CDK6: variants seen among roughly 807,000 people sequenced by gnomAD.
The protein encoded by CDK6 is cyclin-dependent kinase 6.
CDK6 carries 6 observed loss-of-function variants against 37.1 expected under a neutral mutation model. That is an observed-to-expected ratio of 0.16 (90% CI 0.09 to 0.32). The LOEUF (loss-of-function observed/expected upper bound fraction) is 0.32, where lower values mean the gene tolerates loss of function less well. Ranked by LOEUF, CDK6 falls within the 10% of genes least tolerant of loss-of-function variation. CDK6 has a pLI of 1.00. For missense variants in CDK6, 224 were observed against 418.9 expected (o/e 0.53, Z 4.06); for synonymous variants, 160 against 161.3 (o/e 0.99, Z 0.06).
At position 92,608,200 on chromosome 7, in the gene CDK6, G is replaced by A; in HGVS notation, c.*6940C>T. 4.3e-6 allele frequency: 1 copy of A among 232,290 alleles called. No homozygotes were observed. The highest frequency in any genetic ancestry group is 8.5e-6 in the Non-Finnish European group (1 of 117,544). The allele number at this position is 232,290 out of a possible 1,614,324, so 14.4% of individuals were successfully genotyped here. Reference sequence around the variant, plus strand: ...CATAGTTCTTGGCAGTCAATATGTAGTTATATGCCCCCTTTGAGAAAAACC... The same window carrying A: ...CATAGTTCTTGGCAGTCAATATGTAATTATATGCCCCCTTTGAGAAAAACC... On this transcript the variant is annotated 3_prime_UTR_variant, in exon 8 of 8. Coordinates refer to ENST00000424848, the MANE Select transcript of CDK6 (RefSeq NM_001145306.2).
chr7:92,608,996 C>G lies in CDK6; in HGVS notation c.*6144G>C, dbSNP rs1212427036. The G allele has an allele frequency of 4.3e-6, 1 of 233,058 alleles. No homozygotes were observed. The highest frequency in any genetic ancestry group is 8.5e-6 in the Non-Finnish European group (1 of 118,030). 14.4% of individuals were successfully genotyped at this position (233,058 alleles called of 1,614,324 possible). The stretch of plus-strand genomic sequence containing the variant: ...AACCCTGGGGTGGAATTCGGCCTTT[C>G]GCATAGGGGCTTTAACTGGACTCTA... On this transcript the variant is annotated 3_prime_UTR_variant, in exon 8 of 8. Transcript: ENST00000424848.
chr7:92,691,976 A>C (rs1286445893), intron 4 of CDK6, among the ~76,000 whole-genome samples: 1 of 152,190 alleles, frequency 6.6e-6, no homozygotes, highest in Non-Finnish European at 1.5e-5. Flanking sequence ...TCCCATATGA[A>C]AGCCCTGTAG....
At chr7:92,707,806 T>G (rs1798000835) in intron 4 of CDK6, among the ~76,000 whole-genome samples, 1 of 152,200 alleles carries the variant, frequency 6.6e-6, no homozygotes, top group African/African-American at 2.4e-5. Context: ...CCCAGACTCT[T>G]CCAACTTAAC....
rs896188143 is a variant in CDK6 at position 92,835,156 on chromosome 7, T to G, written c.-368+1322A>C. ...CTGGCACTCACTACATTCAGAACTT[T>G]CCTTAAAAGCCGAGGAAAGAGCCCC... is the stretch of plus-strand genomic sequence containing the variant. On this transcript the variant is annotated intron_variant, in intron 1 of 7. Transcript: ENST00000424848. The surrounding 1 kb of genome is among the most constrained non-coding windows in gnomAD (Gnocchi z 4.2). 1 of 152,068 alleles carries G rather than the reference T, an allele frequency of 6.6e-6. No individual in the cohort carries two copies. Among genetic ancestry groups the G allele is most frequent in the Admixed American group, 6.5e-5 (1 of 15,270 alleles). 9.4% of individuals were successfully genotyped at this position (152,068 alleles called of 1,614,324 possible). A position where few individuals can be genotyped will look rare whatever the true frequency, so the allele number is the denominator to read the frequency against.
intron 3 of CDK6, among the ~76,000 whole-genome samples, chr7:92,743,291 G>A (rs1011199937): frequency 3.3e-5 from 5 of 151,746 alleles, no homozygotes; most frequent in African/African-American, 9.7e-5. Context: ...CAGGAGAATC[G>A]CTTGAACCAG....
Position 92,835,679 on chromosome 7 carries a change from GCAC to G in CDK6, c.-368+796_-368+798del, listed in dbSNP as rs1314362098. On this transcript the variant is annotated intron_variant, in intron 1 of 7. Transcript: ENST00000424848. This position sits in a 1 kb window ranked among gnomAD's most constrained non-coding sequence, Gnocchi z 4.2. ...ATGCGCCTCTCCCGAAGCCTGCCAAGCACCACAAGGGTCGCCACCAGCACAGCG... is the reference window on the plus strand; with the variant it reads ...ATGCGCCTCTCCCGAAGCCTGCCAAGCACAAGGGTCGCCACCAGCACAGCG... Among the ~76,000 whole-genome samples, 17 of 152,252 alleles carry G rather than the reference GCAC, an allele frequency of 1.1e-4. No homozygotes were observed. Among genetic ancestry groups the G allele is most frequent in the Non-Finnish European group, 1.3e-4 (9 of 68,014 alleles).
rs1453515631 is a variant in CDK6, at chr7:92,608,177, T to C, written c.*6963A>G. The stretch of plus-strand genomic sequence containing the variant: ...TGTGTGCTGATTAGTGCTACAGTCA[T>C]AGTTCTTGGCAGTCAATATGTAGTT... On this transcript the variant is annotated 3_prime_UTR_variant, in exon 8 of 8. Coordinates refer to ENST00000424848, the MANE Select transcript of CDK6 (RefSeq NM_001145306.2). 4.3e-6 allele frequency: 1 copy of C among 232,440 alleles called. No individual in the cohort carries two copies. The highest frequency in any genetic ancestry group is 8.5e-6 in the Non-Finnish European group (1 of 117,638). 14.4% of individuals were successfully genotyped at this position (232,440 alleles called of 1,614,324 possible).
At position 92,608,520 on chromosome 7, in the gene CDK6, AT is replaced by A; in HGVS notation, c.*6619del. ...ATGGAAAATAAAAAAATAAAAAAAA[AT>A]TCCTGCAATTATACATCTTTTCTTT... On this transcript the variant is annotated 3_prime_UTR_variant, in exon 8 of 8. Coordinates refer to ENST00000424848, the MANE Select transcript of CDK6 (RefSeq NM_001145306.2). 1 of 231,594 alleles carries A rather than the reference AT, an allele frequency of 4.3e-6. No homozygotes were observed. Among genetic ancestry groups the A allele is most frequent in the East Asian group, 6.1e-5 (1 of 16,340 alleles). 14.3% of individuals were successfully genotyped at this position (231,594 alleles called of 1,614,324 possible).
chr7:92,691,790 T>A (rs1416643604), intron 4 of CDK6, among the ~76,000 whole-genome samples: 6 of 152,168 alleles, frequency 3.9e-5, no homozygotes, highest in Non-Finnish European at 8.8e-5. Flanking sequence ...AGAATGCCTT[T>A]GATAAAAAAG....
At chr7:92,805,875 T>C (rs1800712735) in intron 2 of CDK6, among the ~76,000 whole-genome samples, 1 of 152,204 alleles carries the variant, frequency 6.6e-6, no homozygotes, top group Non-Finnish European at 1.5e-5. Flanking sequence ...TACCTACCGG[T>C]TCTCTTCTGA....
At chr7:92,789,233 C>T (rs1231488086) in intron 2 of CDK6, among the ~76,000 whole-genome samples, 4 of 152,178 alleles carry the variant, frequency 2.6e-5, no homozygotes, top group Non-Finnish European at 5.9e-5. Context: ...AAGACATTCT[C>T]AGATAAACAA....
At chr7:92,769,806 C>T (rs10266110) in intron 3 of CDK6, among the ~76,000 whole-genome samples, 1 of 152,046 alleles carries the variant, frequency 6.6e-6, no homozygotes. Flanking sequence ...ACAGTTCTTT[C>T]TGACCCTCTC....
At chr7:92,618,302 A>G (rs1795725467) in intron 6 of CDK6, 95 bp from the exon 7 acceptor site, 16 of 1,280,696 alleles carry the variant, frequency 1.2e-5, no homozygotes, top group Non-Finnish European at 1.5e-5. Context: ...TAAGGGGGAG[A>G]CATGGGGGGC....
chr7:92,705,029 C>T (rs1299958844), intron 4 of CDK6, among the ~76,000 whole-genome samples: 2 of 152,204 alleles, frequency 1.3e-5, no homozygotes, highest in Non-Finnish European at 2.9e-5. Flanking sequence ...TCTAATCTAA[C>T]ATTCTTTGCC....
chr7:92,700,036 T>C (rs1330089507), intron 4 of CDK6, among the ~76,000 whole-genome samples: 1 of 152,178 alleles, frequency 6.6e-6, no homozygotes, highest in Non-Finnish European at 1.5e-5. Flanking sequence ...AAATGTTATA[T>C]ACACATCAAC....
chr7:92,768,124 G>A (rs1799627228), intron 3 of CDK6, among the ~76,000 whole-genome samples: 1 of 152,152 alleles, frequency 6.6e-6, no homozygotes, highest in African/African-American at 2.4e-5. Context: ...GGTAAGCTGG[G>A]GCAGAGTTCT....
intron 3 of CDK6, among the ~76,000 whole-genome samples, chr7:92,761,045 A>C (rs1799443278): frequency 6.6e-6 from 1 of 151,796 alleles, no homozygotes; most frequent in Non-Finnish European, 1.5e-5. Flanking sequence ...CCTTTTTCTT[A>C]GTGGTTTGTA....
chr7:92,811,565 C>A (rs1198066434), intron 2 of CDK6, among the ~76,000 whole-genome samples: 2 of 151,628 alleles, frequency 1.3e-5, no homozygotes, highest in African/African-American at 4.9e-5. Context: ...GACAGTGTAA[C>A]TCCATCTAAT....
intron 4 of CDK6, among the ~76,000 whole-genome samples, chr7:92,722,246 T>G (rs1798385390): frequency 6.6e-6 from 1 of 152,172 alleles, no homozygotes; most frequent in Admixed American, 6.5e-5. Flanking sequence ...GTTAATTATC[T>G]TAGAAGAATA....
Sources: allele counts gnomAD v4.1 joint callset (sites outside exome capture counted in the v4.1 genomes callset), GRCh38; gene constraint gnomAD v4.1.1; non-coding constraint Gnocchi (gnomAD v3.1); transcripts MANE v1.5; gene names NCBI Gene and HGNC (gene_info 2026-07-23, HGNC 2026-07-21).